The following PLCD4 variants were observed in gnomAD, a reference collection of about 807,000 sequenced individuals.
PLCD4 encodes phospholipase C delta 4, also known as 1-phosphatidylinositol 4,5-bisphosphate phosphodiesterase delta-4.
PLCD4 carries 63 observed loss-of-function variants against 90.2 expected under a neutral mutation model. The observed-to-expected ratio is 0.70, with a 90% CI of 0.57 to 0.86. The LOEUF is 0.86. PLCD4 is among the 40% of genes least tolerant of loss of function. The pLI, the probability that PLCD4 is intolerant of heterozygous loss-of-function variation, is 0.00. For synonymous variants in PLCD4, 294 were observed against 356.5 expected (o/e 0.82, Z 1.97); for missense variants, 830 against 956.3 (o/e 0.87, Z 1.74).
rs926814028 is a variant in PLCD4 at position 218,607,933 on chromosome 2, G to C, written c.-171G>C. On this transcript the variant is annotated 5_prime_UTR_variant, in exon 1 of 16. Coordinates refer to ENST00000450993, the MANE Select transcript of PLCD4 (RefSeq NM_032726.4). ...AGCCAGCTGCTGTAGAAGAGGGGAGGAAACAAGCCAGTGCAAGGGGAGCAA... is the reference window on the plus strand; with the variant it reads ...AGCCAGCTGCTGTAGAAGAGGGGAGCAAACAAGCCAGTGCAAGGGGAGCAA... 6.6e-6 allele frequency: 1 copy of C among 152,294 alleles called. No individual in the cohort carries two copies. The highest frequency in any genetic ancestry group is 2.4e-5 in the African/African-American group (1 of 41,446). 9.4% of individuals were successfully genotyped at this position (152,294 alleles called of 1,614,324 possible). A position where few individuals can be genotyped will look rare whatever the true frequency, so the allele number is the denominator to read the frequency against.
At chr2:218,635,195 G>C (rs895199779) in intron 13 of PLCD4, among the ~76,000 whole-genome samples, 3 of 152,034 alleles carry the variant, frequency 2.0e-5, no homozygotes, top group Non-Finnish European at 4.4e-5. Flanking sequence ...TTTAGCCCAG[G>C]AGATGGAGGT....
At chr2:218,608,507 G>A (rs1175884485) in intron 1 of PLCD4, among the ~76,000 whole-genome samples, 2 of 152,190 alleles carry the variant, frequency 1.3e-5, no homozygotes, top group Non-Finnish European at 2.9e-5. Flanking sequence ...CCCTTAGAAA[G>A]TTCTCTAAAG....
intron 6 of PLCD4, 66 bp downstream of exon 6, chr2:218,622,944 C>T: frequency 3.6e-6 from 5 of 1,402,210 alleles, no homozygotes; most frequent in Non-Finnish European, 4.9e-6. Context: ...ATTACAAGGT[C>T]CAGAGACAAG....
At chr2:218,613,286 G>A (rs1258534484) in intron 1 of PLCD4, among the ~76,000 whole-genome samples, 1 of 151,160 alleles carries the variant, frequency 6.6e-6, no homozygotes, top group Non-Finnish European at 1.5e-5. Context: ...AGCTACTTAG[G>A]AGGCTGAGGC....
rs938115737 is a variant in PLCD4, at chr2:218,627,028, C to T, written c.773-1001C>T. Among the ~76,000 whole-genome samples the T allele has an allele frequency of 5.9e-5, 9 of 151,758 alleles. No individual in the cohort carries two copies. The South Asian group carries it at 1.0e-3, about 18-fold the overall frequency. On this transcript the variant is annotated intron_variant, in intron 6 of 15. Coordinates refer to ENST00000450993, the MANE Select transcript of PLCD4 (RefSeq NM_032726.4). The stretch of plus-strand genomic sequence containing the variant: ...CTGCACTTTGGGAGGCCAAGGCAGG[C>T]GGATCACGAGGTCAGGAGATGGAGA...
rs879162544 is a variant in PLCD4 at position 218,637,085 on chromosome 2, C to T, written c.*508C>T. ...GAGACTTGACCCCAGGACTGTACTA[C>T]GACTCTTAAGAGAACACTGCACAGC... On this transcript the variant is annotated 3_prime_UTR_variant, in exon 16 of 16. Coordinates refer to ENST00000450993, the MANE Select transcript of PLCD4 (RefSeq NM_032726.4). 1.0e-4 allele frequency: 37 copies of T among 368,658 alleles called. No homozygotes were observed. Among genetic ancestry groups the T allele is most frequent in the South Asian group, 2.5e-4 (12 of 47,678 alleles). The allele number at this position is 368,658 out of a possible 1,614,324, so 22.8% of individuals were successfully genotyped here.
Position 218,636,502 on chromosome 2 carries a change from T to G in PLCD4, c.2214T>G (p.Asp738Glu). The stretch of plus-strand genomic sequence containing the variant: ...GCCACATTCACCTGCTGTCCAAAGA[T>G]GGCATCAGCCTCCGCCCAGCTTCCA... ...GYRHIHLLSK[D>E]GISLRPASIF... The change falls in exon 16 of 16, where the codon GAT (aspartate) becomes GAG (glutamate). Residue 738 changes from aspartate (D) to glutamate (E), a missense_variant. Asp to Glu is a conservative substitution (Grantham distance 45). Coordinates refer to ENST00000450993, the MANE Select transcript of PLCD4 (RefSeq NM_032726.4). 6.2e-7 allele frequency: 1 copy of G among 1,613,998 alleles called. No homozygotes were observed. The highest frequency in any genetic ancestry group is 1.1e-5 in the South Asian group (1 of 91,086).
intron 1 of PLCD4, chr2:218,609,187 T>G (rs1695223670): frequency 6.6e-6 from 1 of 151,042 alleles, no homozygotes; most frequent in African/African-American, 2.4e-5. Flanking sequence ...TTCTGTGACC[T>G]GTGACCAGAG....
rs1396999467 is a variant in PLCD4, at chr2:218,634,878, TCA to T, written c.1896+251_1896+252del. 6.6e-6 allele frequency among the ~76,000 whole-genome samples: 1 copy of T among 152,198 alleles called. No homozygotes were observed. The highest frequency in any genetic ancestry group is 1.5e-5 in the Non-Finnish European group (1 of 68,028). On this transcript the variant is annotated intron_variant, in intron 13 of 15. Coordinates refer to ENST00000450993, the MANE Select transcript of PLCD4 (RefSeq NM_032726.4). This position sits in a 1 kb window ranked among gnomAD's most constrained non-coding sequence, Gnocchi z 4.0. The stretch of plus-strand genomic sequence containing the variant: ...AATAGGGGTAACACTACCACCTGCC[TCA>T]CAGGGTTATAAGGAGTATAACAGTT...
chr2:218,635,968 A>C, intron 14 of PLCD4, 37 bp downstream of exon 14: 2 of 1,613,532 alleles, frequency 1.2e-6, no homozygotes, highest in Non-Finnish European at 1.7e-6. Context: ...TGGGGGTAGG[A>C]GCATGATTAG....
In PLCD4 at chr2:218,630,552, G is replaced by C. The variant is rs558008776; in HGVS notation, c.1120-98G>C. ...AGTTTAGTGATCAGGGTACTCATCTGAGTGAGTAAGTAGGGAGGCCTAGGA... is the reference window on the plus strand; with the variant it reads ...AGTTTAGTGATCAGGGTACTCATCTCAGTGAGTAAGTAGGGAGGCCTAGGA... On this transcript the variant is annotated intron_variant, in intron 8 of 15. Transcript: ENST00000450993. 76 of 1,362,836 alleles carry C rather than the reference G, an allele frequency of 5.6e-5. No homozygotes were observed. In the African/African-American group the frequency reaches 1.0e-3, roughly 18 times the overall value. The allele number at this position is 1,362,836 out of a possible 1,614,324, so 84.4% of individuals were successfully genotyped here.
In PLCD4 at chr2:218,633,393, C is replaced by T. The variant is rs751231334; in HGVS notation, c.1450-212C>T. ...TCCCATTCCCACCCCCAGGTTGTGACGTGCCCGCTGTTTTGTCCGTCTATC... is the reference window on the plus strand; with the variant it reads ...TCCCATTCCCACCCCCAGGTTGTGATGTGCCCGCTGTTTTGTCCGTCTATC... On this transcript the variant is annotated intron_variant, in intron 10 of 15. Coordinates refer to ENST00000450993, the MANE Select transcript of PLCD4 (RefSeq NM_032726.4). 3.1e-5 allele frequency: 22 copies of T among 711,090 alleles called. 2 individuals are homozygous for T. The highest frequency in any genetic ancestry group is 2.1e-4 in the South Asian group (14 of 67,726). 44.0% of individuals were successfully genotyped at this position (711,090 alleles called of 1,614,324 possible).
intron 1 of PLCD4, among the ~76,000 whole-genome samples, chr2:218,611,577 T>G (rs1484409082): frequency 6.6e-6 from 1 of 152,164 alleles, no homozygotes; most frequent in Non-Finnish European, 1.5e-5. Context: ...CAATTCACTC[T>G]CCTAGAGTCT....
intron 1 of PLCD4, among the ~76,000 whole-genome samples, chr2:218,613,258 A>G (rs922512248): frequency 6.6e-6 from 1 of 151,452 alleles, no homozygotes; most frequent in African/African-American, 2.4e-5. Flanking sequence ...GGGTGTGGTG[A>G]TGGGTGCCTG....
intron 9 of PLCD4, among the ~76,000 whole-genome samples, chr2:218,631,129 A>ATCCCAACCTC (rs1347238664): frequency 6.6e-6 from 1 of 152,128 alleles, no homozygotes; most frequent in Non-Finnish European, 1.5e-5. Flanking sequence ...TCCTATCATA[A>ATCCCAACCTC]TCCCAACCTC....
chr2:218,621,997 G>A (rs1695901792), intron 5 of PLCD4, among the ~76,000 whole-genome samples: 1 of 150,346 alleles, frequency 6.7e-6, no homozygotes, highest in Admixed American at 6.7e-5. Context: ...GGAGAATGGT[G>A]TGAACCCGGG....
chr2:218,621,509 G>C lies in PLCD4; in HGVS notation c.450G>C (p.Gln150His). 1 of 1,613,972 alleles carries C rather than the reference G, an allele frequency of 6.2e-7. No individual in the cohort carries two copies. The highest frequency in any genetic ancestry group is 8.5e-7 in the Non-Finnish European group (1 of 1,179,866). ...GGTTTCAACGTGGAGACAAAAATCAGGATGGTAAGATGAGTTTCCAAGAAG... is the reference window on the plus strand; with the variant it reads ...GGTTTCAACGTGGAGACAAAAATCACGATGGTAAGATGAGTTTCCAAGAAG... The part of the protein sequence containing the change: ...SDWFQRGDKN[Q>H]DGKMSFQEVQ... The change falls in exon 5 of 16, where the codon CAG (glutamine) becomes CAC (histidine). Residue 150 changes from glutamine to histidine, a missense_variant. Transcript: ENST00000450993.
intron 3 of PLCD4, among the ~76,000 whole-genome samples, chr2:218,616,938 A>ATATATATATATG (rs1157021732): frequency 3.4e-5 from 1 of 29,278 alleles, no homozygotes; most frequent in Non-Finnish European, 6.3e-5. Context: ...AGAGAGAGAG[A>ATATATATATATG]GAGAGAGAGA....
intron 6 of PLCD4, among the ~76,000 whole-genome samples, chr2:218,624,927 G>A (rs1403330722): frequency 1.3e-5 from 2 of 151,092 alleles, no homozygotes; most frequent in Non-Finnish European, 2.9e-5. Context: ...CCTGGCCTAC[G>A]TGGTGAAACC....
Sources: allele counts gnomAD v4.1 joint callset (sites outside exome capture counted in the v4.1 genomes callset), GRCh38; gene constraint gnomAD v4.1.1; non-coding constraint Gnocchi (gnomAD v3.1); transcripts MANE v1.5; gene names NCBI Gene and HGNC (gene_info 2026-07-23, HGNC 2026-07-21).